The following HPSE2 variants were observed in gnomAD, a reference collection of about 807,000 sequenced individuals.
HPSE2 encodes heparanase 2 (inactive).
In HPSE2, 38 loss-of-function variants were observed where a neutral mutation model predicts 60.5. That is an observed-to-expected ratio of 0.63 (90% CI 0.48 to 0.82). HPSE2 has a LOEUF of 0.82. HPSE2 is among the 40% of genes least tolerant of loss of function. The probability of loss-of-function intolerance (pLI) is 0.00; values close to 1 mark genes in which losing one functional copy is unlikely to be tolerated. For missense variants in HPSE2, 713 were observed against 740.4 expected (o/e 0.96, Z 0.43); for synonymous variants, 295 against 293.2 (o/e 1.01, Z -0.06).
intron 9 of HPSE2, among the ~76,000 whole-genome samples, chr10:98,606,133 A>G (rs1334584010): frequency 6.6e-6 from 1 of 152,164 alleles, no homozygotes; most frequent in African/African-American, 2.4e-5. Flanking sequence ...CTTCACCTCC[A>G]TTTCATCAGA....
chr10:98,904,203 T>G (rs1953745823), intron 3 of HPSE2, among the ~76,000 whole-genome samples: 1 of 152,174 alleles, frequency 6.6e-6, no homozygotes, highest in South Asian at 2.1e-4. Flanking sequence ...CTTTAAAATC[T>G]GAGAAAAATA....
chr10:98,798,673 G>A (rs1427186835), intron 3 of HPSE2, among the ~76,000 whole-genome samples: 3 of 152,070 alleles, frequency 2.0e-5, no homozygotes, highest in Admixed American at 6.5e-5. Context: ...TTTAAATAAC[G>A]AGTTGTAAGA....
At chr10:99,294,712 T>G in the HPSE2 span, among the ~76,000 whole-genome samples, 1 of 151,874 alleles carries the variant, frequency 6.6e-6, no homozygotes, top group Non-Finnish European at 1.5e-5. Context: ...GGCCGGTAGA[T>G]CATCTGAGGT....
At chr10:98,700,633 A>T (rs1044598354) in intron 5 of HPSE2, among the ~76,000 whole-genome samples, 4 of 94,256 alleles carry the variant, frequency 4.2e-5, no homozygotes, top group African/African-American at 1.1e-4. Context: ...CAAAAGCCAA[A>T]ATTGACAAAT....
intron 6 of HPSE2, among the ~76,000 whole-genome samples, chr10:98,690,183 A>G (rs1948038106): frequency 6.6e-6 from 1 of 152,148 alleles, no homozygotes; most frequent in African/African-American, 2.4e-5. Context: ...TGACACTTCA[A>G]GCCAATATGA....
chr10:98,747,353 T>C (rs1021837634), intron 3 of HPSE2, among the ~76,000 whole-genome samples: 2 of 152,204 alleles, frequency 1.3e-5, no homozygotes, highest in African/African-American at 2.4e-5. Flanking sequence ...ATTGATTCCA[T>C]TTAAGTCATC....
chr10:98,849,270 G>C (rs1047862101), intron 3 of HPSE2, among the ~76,000 whole-genome samples: 1 of 152,178 alleles, frequency 6.6e-6, no homozygotes, highest in Non-Finnish European at 1.5e-5. Context: ...AATTGACAGA[G>C]AGGTACTTCA....
chr10:98,706,310 A>G (rs1319190816), intron 5 of HPSE2, among the ~76,000 whole-genome samples: 2 of 152,192 alleles, frequency 1.3e-5, no homozygotes, highest in Non-Finnish European at 2.9e-5. Flanking sequence ...ATTGATTAGA[A>G]AAAGGAAAAA....
chr10:98,535,027 T>TTA (rs1304675790), intron 9 of HPSE2, among the ~76,000 whole-genome samples: 3 of 152,162 alleles, frequency 2.0e-5, no homozygotes, highest in African/African-American at 7.2e-5. Flanking sequence ...CCTCTCAGAT[T>TTA]TTAGGAGAGC....
At chr10:99,020,066 T>C (rs1392706396) in intron 3 of HPSE2, among the ~76,000 whole-genome samples, 2 of 152,074 alleles carry the variant, frequency 1.3e-5, no homozygotes, top group Non-Finnish European at 2.9e-5. Context: ...CCTTTATTTA[T>C]ATAATAGGAA....
At chr10:98,503,220 G>GAAAAAAAAAAAAAAAAAAA (rs1564923801) in intron 9 of HPSE2, among the ~76,000 whole-genome samples, 3 of 143,578 alleles carry the variant, frequency 2.1e-5, no homozygotes, top group East Asian at 2.0e-4. Context: ...CAGAAAAAAA[G>GAAAAAAAAAAAAAAAAAAA]AAAAAGAAAA....
intron 3 of HPSE2, among the ~76,000 whole-genome samples, chr10:98,938,638 G>A (rs527502469): frequency 6.9e-6 from 1 of 144,062 alleles, no homozygotes; most frequent in African/African-American, 2.8e-5. Flanking sequence ...GGGGGAGAAT[G>A]CAACCAAGTT....
intron 2 of HPSE2, among the ~76,000 whole-genome samples, chr10:99,222,223 GGAGA>G (rs900960885): frequency 5.3e-5 from 8 of 152,068 alleles, no homozygotes; most frequent in African/African-American, 1.2e-4. Context: ...CACCAGCTTT[GGAGA>G]GAGACTGCCC....
intron 3 of HPSE2, among the ~76,000 whole-genome samples, chr10:99,045,159 A>G (rs1472488641): frequency 6.6e-6 from 1 of 152,158 alleles, no homozygotes; most frequent in Admixed American, 6.5e-5. Context: ...AATAATATCA[A>G]CCATACTCTT....
chr10:98,833,691 T>C (rs1025906594), intron 3 of HPSE2, among the ~76,000 whole-genome samples: 2 of 152,188 alleles, frequency 1.3e-5, no homozygotes, highest in Non-Finnish European at 2.9e-5. Flanking sequence ...TCACATCACC[T>C]TTTTCTAGGC....
At chr10:98,950,879 G>C (rs1422869897) in intron 3 of HPSE2, among the ~76,000 whole-genome samples, 1 of 152,138 alleles carries the variant, frequency 6.6e-6, no homozygotes. Flanking sequence ...GAAGTAGCAA[G>C]ACTCATCCAC....
At chr10:98,472,133 C>G (rs773737544) in intron 11 of HPSE2, among the ~76,000 whole-genome samples, 1 of 151,932 alleles carries the variant, frequency 6.6e-6, no homozygotes, top group Non-Finnish European at 1.5e-5. Context: ...TACATATTTA[C>G]TTCTCTTTCT....
intron 9 of HPSE2, among the ~76,000 whole-genome samples, chr10:98,539,848 C>T (rs561565287): frequency 1.2e-4 from 18 of 152,110 alleles, no homozygotes; most frequent in African/African-American, 4.3e-4. Context: ...CCTGATTTTA[C>T]CCCCACCTTA....
intron 2 of HPSE2, among the ~76,000 whole-genome samples, chr10:99,170,285 T>C (rs1412805964): frequency 6.6e-6 from 1 of 152,230 alleles, no homozygotes; most frequent in Non-Finnish European, 1.5e-5. Flanking sequence ...TCAGCAAGTA[T>C]TTTTAGCCAC....
Sources: allele counts gnomAD v4.1 joint callset (sites outside exome capture counted in the v4.1 genomes callset), GRCh38; gene constraint gnomAD v4.1.1; transcripts MANE v1.5; gene names NCBI Gene and HGNC (gene_info 2026-07-23, HGNC 2026-07-21).